Variants in MYCBP2 observed in about 807,000 individuals in gnomAD.
MYCBP2 encodes MYC binding protein 2.
Under a neutral mutation model 525.3 loss-of-function variants are expected in MYCBP2, and 120 were observed. That is an observed-to-expected ratio of 0.23 (90% CI 0.20 to 0.27). The LOEUF is 0.27. Among genes scored for constraint, MYCBP2 ranks in the 10% least tolerant of loss-of-function variants. MYCBP2 has a pLI of 1.00. For missense variants in MYCBP2, 4,149 were observed against 5,657.1 expected (o/e 0.73, Z 8.55); for synonymous variants, 1,894 against 1,955.8 (o/e 0.97, Z 0.83).
chr13:77,144,895 G>GA (rs2055273488), intron 48 of MYCBP2, among the ~76,000 whole-genome samples: 2 of 152,116 alleles, frequency 1.3e-5, no homozygotes, highest in African/African-American at 4.8e-5. Flanking sequence ...GAAGTGTCCT[G>GA]GATCTGATCC....
rs190013400 is a variant in MYCBP2, at chr13:77,265,503, A to T, written c.1358-1501T>A. On this transcript the variant is annotated intron_variant, in intron 8 of 82. Coordinates refer to ENST00000544440, the MANE Select transcript of MYCBP2 (RefSeq NM_015057.5). ...AAGAATAAAATGACAATTATCAGAT[A>T]AAAAAAGTATGTTTTAAGTTCATCA... Among the ~76,000 whole-genome samples, 368 of 152,248 alleles carry T rather than the reference A, an allele frequency of 2.4e-3. 1 individual carries two copies. The highest frequency in any genetic ancestry group is 0.017 in the Middle Eastern group (5 of 294).
intron 4 of MYCBP2, among the ~76,000 whole-genome samples, chr13:77,277,717 T>C (rs2075777750): frequency 6.6e-6 from 1 of 152,164 alleles, no homozygotes; most frequent in Non-Finnish European, 1.5e-5. Context: ...CCCAAGTCTA[T>C]GGAATCAGAA....
intron 15 of MYCBP2, among the ~76,000 whole-genome samples, chr13:77,244,868 T>C (rs1409131074): frequency 6.6e-6 from 1 of 152,178 alleles, no homozygotes; most frequent in Non-Finnish European, 1.5e-5. Flanking sequence ...GAACAGACAC[T>C]TCTTACAAGA....
intron 82 of MYCBP2, among the ~76,000 whole-genome samples, chr13:77,050,232 GTCTA>G (rs747629202): frequency 8.3e-4 from 126 of 152,240 alleles, no homozygotes; most frequent in Non-Finnish European, 1.5e-3. Context: ...TTCCGGAGAG[GTCTA>G]TCACTTGCAC....
At chr13:77,121,656 T>A (rs759349956) in intron 54 of MYCBP2, among the ~76,000 whole-genome samples, 161 bp from the exon 55 acceptor site, 1 of 152,212 alleles carries the variant, frequency 6.6e-6, no homozygotes, top group Non-Finnish European at 1.5e-5. Context: ...CATCTTAACA[T>A]TAACAAAGCA....
intron 14 of MYCBP2, 117 bp from the exon 15 acceptor site, chr13:77,251,472 G>T: frequency 2.5e-6 from 2 of 792,788 alleles, no homozygotes; most frequent in Non-Finnish European, 2.0e-6. Context: ...ATTATACAAA[G>T]AAATGCTTAA....
chr13:77,225,773 A>C (rs2066171208), intron 18 of MYCBP2, among the ~76,000 whole-genome samples: 1 of 152,218 alleles, frequency 6.6e-6, no homozygotes, highest in South Asian at 2.1e-4. Flanking sequence ...TCACTAAATT[A>C]ATAAAAACAG....
intron 68 of MYCBP2, chr13:77,076,218 C>T (rs2154095747): frequency 6.6e-6 from 1 of 152,248 alleles, no homozygotes; most frequent in African/African-American, 2.4e-5. Context: ...ATGATGGATA[C>T]AAAGACAAAT....
chr13:77,308,110 A>C (rs1358978665), intron 1 of MYCBP2, among the ~76,000 whole-genome samples: 2 of 152,208 alleles, frequency 1.3e-5, no homozygotes, highest in Non-Finnish European at 2.9e-5. Flanking sequence ...AGAGCCAGTT[A>C]AGTTCTCTAT....
chr13:77,176,141 T>C (rs1037854265), intron 36 of MYCBP2, among the ~76,000 whole-genome samples: 2 of 151,916 alleles, frequency 1.3e-5, no homozygotes, highest in African/African-American at 4.8e-5. Context: ...TTAATCTCAA[T>C]ACTACTACAA....
chr13:77,218,448 T>G (rs918446407), intron 20 of MYCBP2, among the ~76,000 whole-genome samples: 1 of 152,222 alleles, frequency 6.6e-6, no homozygotes, highest in African/African-American at 2.4e-5. Context: ...CACAGTATCA[T>G]GAGAGGCATT....
chr13:77,256,428 T>C (rs1175184862), intron 14 of MYCBP2, among the ~76,000 whole-genome samples: 1 of 152,008 alleles, frequency 6.6e-6, no homozygotes, highest in Admixed American at 6.6e-5. Flanking sequence ...TGCTCAAAAA[T>C]AAAAAATCTA....
intron 2 of MYCBP2, among the ~76,000 whole-genome samples, chr13:77,292,011 G>A (rs913846828): frequency 2.1e-4 from 32 of 152,122 alleles, no homozygotes; most frequent in African/African-American, 7.2e-4. Flanking sequence ...CTGCATGTAC[G>A]AACATCAAGC....
chr13:77,272,672 G>T (rs897578432), intron 5 of MYCBP2, among the ~76,000 whole-genome samples: 2 of 152,174 alleles, frequency 1.3e-5, no homozygotes, highest in African/African-American at 4.8e-5. Context: ...AGGCAGAAAG[G>T]AAGAAAAGAG....
chr13:77,099,289 T>C, intron 55 of MYCBP2: 1 of 375,994 alleles, frequency 2.7e-6, no homozygotes, highest in Non-Finnish European at 4.8e-6. Flanking sequence ...TCTCAACCTC[T>C]GCCCTAGTGC....
At chr13:77,301,319 G>A (rs2078769762) in intron 1 of MYCBP2, among the ~76,000 whole-genome samples, 1 of 151,098 alleles carries the variant, frequency 6.6e-6, no homozygotes, top group Non-Finnish European at 1.5e-5. Flanking sequence ...GGGAGGCGGA[G>A]GCAGGAGAAT....
At chr13:77,067,108 A>G (rs1461119743) in intron 71 of MYCBP2, among the ~76,000 whole-genome samples, 1 of 152,134 alleles carries the variant, frequency 6.6e-6, no homozygotes, top group Non-Finnish European at 1.5e-5. Context: ...ATATCTTCCT[A>G]TATGATTTTG....
intron 3 of MYCBP2, among the ~76,000 whole-genome samples, chr13:77,287,743 A>C (rs73547886): frequency 0.061 from 9,297 of 152,216 alleles, 468 homozygotes; most frequent in East Asian, 0.17. Context: ...CCTGCATCCC[A>C]GGTGAGGAGC....
In MYCBP2 at chr13:77,184,588, G is replaced by T. The variant is rs563950864; in HGVS notation, c.4719+515C>A. Among the ~76,000 whole-genome samples, 5 of 152,322 alleles carry T rather than the reference G, an allele frequency of 3.3e-5. No homozygotes were observed. The South Asian group carries it at 1.0e-3, about 32-fold the overall frequency. ...TCCTCTATTAATTACTGAAAGAGGA[G>T]TGTTAAAGTCCCCAGCTGTCAATGT... On this transcript the variant is annotated intron_variant, in intron 32 of 82. Coordinates refer to ENST00000544440, the MANE Select transcript of MYCBP2 (RefSeq NM_015057.5).
Sources: allele counts gnomAD v4.1 joint callset (sites outside exome capture counted in the v4.1 genomes callset), GRCh38; gene constraint gnomAD v4.1.1; transcripts MANE v1.5; gene names NCBI Gene and HGNC (gene_info 2026-07-23, HGNC 2026-07-21).